TEAD1: variants seen among roughly 807,000 people sequenced by gnomAD.
The protein encoded by TEAD1 is TEA domain transcription factor 1, also known as transcriptional enhancer factor TEF-1.
Under a neutral mutation model 54.9 loss-of-function variants are expected in TEAD1, and 9 were observed. The observed-to-expected ratio is 0.16, with a 90% CI of 0.10 to 0.29. The LOEUF is 0.29. Among genes scored for constraint, TEAD1 ranks in the 10% least tolerant of loss-of-function variants. The pLI is 1.00. For missense variants in TEAD1, 387 were observed against 535.9 expected, an observed-to-expected ratio of 0.72 and a Z score of 2.74; for synonymous variants, 200 against 187.8, an observed-to-expected ratio of 1.07 and a Z score of -0.53.
intron 3 of TEAD1, among the ~76,000 whole-genome samples, chr11:12,817,477 G>A (rs966844563): frequency 1.3e-5 from 2 of 151,860 alleles, no homozygotes; most frequent in African/African-American, 2.4e-5. Flanking sequence ...TTTTGTGAAC[G>A]GAGTGTTTAC....
At chr11:12,860,865 C>A (rs7131324) in intron 3 of TEAD1, among the ~76,000 whole-genome samples, 4,425 of 152,176 alleles carry the variant, frequency 0.029, 231 homozygotes, top group African/African-American at 0.1. Context: ...GCAACCAAAC[C>A]TAGTTGGGCA....
chr11:12,865,955 G>A (rs1289208493), intron 5 of TEAD1, among the ~76,000 whole-genome samples: 2 of 152,062 alleles, frequency 1.3e-5, no homozygotes, highest in African/African-American at 4.8e-5. Context: ...CACAACACTT[G>A]AGTGGTGAGC....
At chr11:12,676,726 T>C (rs1943101078) in intron 2 of TEAD1, among the ~76,000 whole-genome samples, 1 of 152,234 alleles carries the variant, frequency 6.6e-6, no homozygotes, top group African/African-American at 2.4e-5. Context: ...CTTATTTTTC[T>C]AATCTCACTG....
At chr11:12,680,342 C>G (rs1037246642) in intron 2 of TEAD1, among the ~76,000 whole-genome samples, 1 of 152,246 alleles carries the variant, frequency 6.6e-6, no homozygotes. Context: ...TTCCGACTTT[C>G]GTCCAGCCTG....
At chr11:12,869,048 T>C (rs1381995335) in intron 5 of TEAD1, among the ~76,000 whole-genome samples, 1 of 152,076 alleles carries the variant, frequency 6.6e-6, no homozygotes, top group African/African-American at 2.4e-5. Context: ...TGGGGGACCA[T>C]GAAGAGCATC....
intron 3 of TEAD1, among the ~76,000 whole-genome samples, chr11:12,777,127 T>A (rs541593260): frequency 1.3e-5 from 2 of 152,208 alleles, no homozygotes; most frequent in East Asian, 3.9e-4. Context: ...TGTGTCAATG[T>A]ACTCTCCTCT....
chr11:12,888,522 G>A (rs1029053285), intron 9 of TEAD1, among the ~76,000 whole-genome samples: 3 of 151,970 alleles, frequency 2.0e-5, no homozygotes, highest in African/African-American at 7.3e-5. Context: ...AAAAAGACAT[G>A]GTTGCATACT....
At chr11:12,699,366 C>T (rs1276574686) in intron 2 of TEAD1, among the ~76,000 whole-genome samples, 1 of 151,846 alleles carries the variant, frequency 6.6e-6, no homozygotes, top group Non-Finnish European at 1.5e-5. Flanking sequence ...AACCGCTTGT[C>T]TGGTTAAAAA....
At chr11:12,925,945 C>T (rs1415181275) in intron 11 of TEAD1, among the ~76,000 whole-genome samples, 2 of 152,206 alleles carry the variant, frequency 1.3e-5, no homozygotes, top group African/African-American at 4.8e-5. Flanking sequence ...GATCCAATCT[C>T]TTTTTACGGC....
intron 3 of TEAD1, among the ~76,000 whole-genome samples, chr11:12,837,945 C>T (rs1946940698): frequency 6.6e-6 from 1 of 151,754 alleles, no homozygotes; most frequent in African/African-American, 2.4e-5. Flanking sequence ...TGGTGCCTGC[C>T]ACCACGCCCG....
intron 3 of TEAD1, among the ~76,000 whole-genome samples, chr11:12,855,364 A>C (rs1046417305): frequency 2.0e-5 from 3 of 151,676 alleles, no homozygotes; most frequent in African/African-American, 7.3e-5. Flanking sequence ...ATCTCAGCTC[A>C]CTGCAACCTC....
chr11:12,808,201 G>C (rs75575680), intron 3 of TEAD1, among the ~76,000 whole-genome samples: 3,516 of 151,896 alleles, frequency 0.023, 142 homozygotes, highest in African/African-American at 0.081. Flanking sequence ...GTCTTCCTTG[G>C]GAATAATCAA....
At chr11:12,896,739 T>A (rs11022538) in intron 9 of TEAD1, among the ~76,000 whole-genome samples, 12,925 of 152,252 alleles carry the variant, frequency 0.085, 1,057 homozygotes, top group East Asian at 0.45. Context: ...AGAACATATA[T>A]TTATTTGGGA....
intron 2 of TEAD1, among the ~76,000 whole-genome samples, chr11:12,733,162 G>C (rs758958764): frequency 6.6e-6 from 1 of 152,146 alleles, no homozygotes; most frequent in African/African-American, 2.4e-5. Context: ...TACCTTTTTG[G>C]GTTGTTGTGA....
chr11:12,724,885 C>T (rs777149899), intron 2 of TEAD1, among the ~76,000 whole-genome samples: 4 of 152,186 alleles, frequency 2.6e-5, no homozygotes, highest in African/African-American at 4.8e-5. Context: ...GTTCACCTGG[C>T]GAGGCCTGTG....
At chr11:12,834,228 T>C (rs1435584343) in intron 3 of TEAD1, among the ~76,000 whole-genome samples, 1 of 152,208 alleles carries the variant, frequency 6.6e-6, no homozygotes, top group Non-Finnish European at 1.5e-5. Context: ...GGGTGAGATA[T>C]GAGTTATGTG....
intron 8 of TEAD1, 105 bp from the exon 9 acceptor site, chr11:12,882,896 G>A (rs999538418): frequency 1.9e-6 from 3 of 1,566,192 alleles, no homozygotes; most frequent in Admixed American, 1.7e-5. Flanking sequence ...AGAGGGGGCT[G>A]TTGGCATTTC....
chr11:12,709,440 A>G (rs909485231), intron 2 of TEAD1, among the ~76,000 whole-genome samples: 22 of 151,794 alleles, frequency 1.4e-4, no homozygotes, highest in South Asian at 1.0e-3. Context: ...TGGTCTTGCT[A>G]TGTTGCTCAG....
chr11:12,703,584 C>G (rs1008118237), intron 2 of TEAD1, among the ~76,000 whole-genome samples: 7 of 152,322 alleles, frequency 4.6e-5, no homozygotes, highest in South Asian at 2.1e-4. Flanking sequence ...CAGCCACTTT[C>G]ACCATCATCC....
Sources: gnomAD v4.1 joint callset for allele counts (sites outside exome capture counted in the v4.1 genomes callset) on GRCh38, gnomAD v4.1.1 for gene constraint, MANE v1.5 for transcripts, NCBI Gene and HGNC (gene_info 2026-07-23, HGNC 2026-07-21) for gene names.